Variants in DLGAP1 observed in about 807,000 individuals in gnomAD.
DLGAP1 encodes DLG associated protein 1.
Under a neutral mutation model 90.8 loss-of-function variants are expected in DLGAP1, and 11 were observed. The ratio of observed to expected loss-of-function variants is 0.12; its 90% CI spans 0.08 to 0.20. The LOEUF (loss-of-function observed/expected upper bound fraction) is 0.20, where lower values mean the gene tolerates loss of function less well. Ranked by LOEUF, DLGAP1 falls within the 10% of genes least tolerant of loss-of-function variation. The probability of loss-of-function intolerance (pLI) is 1.00; values close to 1 mark genes in which losing one functional copy is unlikely to be tolerated. For missense variants in DLGAP1, 1,050 were observed against 1,333.8 expected (o/e 0.79, Z 3.31); for synonymous variants, 558 against 540.7 (o/e 1.03, Z -0.44).
intron 1 of DLGAP1, among the ~76,000 whole-genome samples, chr18:4,444,204 CTTTTCAGTGT>C (rs1302634038): frequency 1.4e-5 from 2 of 142,152 alleles, no homozygotes; most frequent in Admixed American, 1.4e-4. Flanking sequence ...GGCATGACTG[CTTTTCAGTGT>C]TGCCTCTTCA....
At chr18:4,346,519 C>A (rs1357715776) in intron 1 of DLGAP1, among the ~76,000 whole-genome samples, 80 of 152,290 alleles carry the variant, frequency 5.3e-4, no homozygotes, top group Non-Finnish European at 1.3e-4. Flanking sequence ...AATTATCTCA[C>A]TTAATCTTCA....
At chr18:3,772,297 CTTT>C (rs1488416818) in intron 5 of DLGAP1, among the ~76,000 whole-genome samples, 1 of 137,300 alleles carries the variant, frequency 7.3e-6, no homozygotes, top group Non-Finnish European at 1.5e-5. Flanking sequence ...TTCTCCTTTT[CTTT>C]CTTTCTCTCC....
At chr18:3,990,286 T>C (rs962260204) in intron 3 of DLGAP1, among the ~76,000 whole-genome samples, 1 of 151,954 alleles carries the variant, frequency 6.6e-6, no homozygotes, top group African/African-American at 2.4e-5. Context: ...ATATACACCA[T>C]GGAATACTAT....
intron 7 of DLGAP1, among the ~76,000 whole-genome samples, chr18:3,699,147 A>G (rs113753517): frequency 4.6e-5 from 7 of 151,984 alleles, no homozygotes; most frequent in Non-Finnish European, 8.8e-5. Flanking sequence ...ACTTCCATCA[A>G]TTCGTCAAAC....
chr18:3,868,512 G>C (rs1238004341), intron 4 of DLGAP1, among the ~76,000 whole-genome samples: 1 of 152,136 alleles, frequency 6.6e-6, no homozygotes, highest in African/African-American at 2.4e-5. Flanking sequence ...GTAAACTGCA[G>C]GTCCTGGGAT....
intron 3 of DLGAP1, among the ~76,000 whole-genome samples, chr18:3,979,341 A>C (rs946172969): frequency 1.1e-4 from 16 of 152,194 alleles, no homozygotes; most frequent in African/African-American, 3.9e-4. Context: ...GCCTAGTAGC[A>C]ATGTGCTATA....
rs775560390 is a variant in DLGAP1, at chr18:3,534,623, G to C, written c.2058-8C>G. The C allele has an allele frequency of 5.8e-5, 88 of 1,526,010 alleles. No individual in the cohort carries two copies. Among genetic ancestry groups the C allele is most frequent in the Non-Finnish European group, 7.5e-5 (85 of 1,139,230 alleles). 94.5% of individuals were successfully genotyped at this position (1,526,010 alleles called of 1,614,324 possible). On this transcript the variant is annotated splice_region_variant and splice_polypyrimidine_tract_variant and intron_variant, in intron 9 of 12. Transcript: ENST00000315677. The stretch of plus-strand genomic sequence containing the variant: ...CGAGTGAACCTGCGGAAGCTTGGGA[G>C]AATAGAAAAAAGAAATTTAGTTAGA...
chr18:3,938,481 G>A (rs995670042), intron 3 of DLGAP1, among the ~76,000 whole-genome samples: 3 of 152,178 alleles, frequency 2.0e-5, no homozygotes, highest in South Asian at 2.1e-4. Context: ...ATTCTTGGCC[G>A]AGGGAAGTGC....
chr18:4,284,719 C>G (rs490830), intron 1 of DLGAP1, among the ~76,000 whole-genome samples: 148,707 of 152,288 alleles, frequency 0.98, 72,714 homozygotes, highest in East Asian at 1. Context: ...TGGAGTGCCG[C>G]CTTCACAGGT....
At chr18:4,003,369 G>C (rs1267334632) in intron 3 of DLGAP1, among the ~76,000 whole-genome samples, 1 of 151,240 alleles carries the variant, frequency 6.6e-6, no homozygotes, top group African/African-American at 2.4e-5. Context: ...AGAGAGAAAA[G>C]AAGGCAGGAG....
In DLGAP1 at chr18:4,435,988, T is replaced by A. The variant is rs557487081; in HGVS notation, c.-267+19018A>T. ...AGTAGGTAGTTAAAGGACAATAGAC[T>A]GCAGGAAAAGTGATGAGAACTATCA... On this transcript the variant is annotated intron_variant, in intron 1 of 12. Transcript: ENST00000315677. Among the ~76,000 whole-genome samples the A allele has an allele frequency of 7.2e-5, 11 of 152,182 alleles. No homozygotes were observed. The South Asian group carries it at 2.3e-3, about 32-fold the overall frequency.
At chr18:3,746,363 G>C (rs1420595535) in intron 5 of DLGAP1, among the ~76,000 whole-genome samples, 1 of 151,920 alleles carries the variant, frequency 6.6e-6, no homozygotes, top group African/African-American at 2.4e-5. Context: ...CTTATGGAAG[G>C]CAATAAAGAA....
chr18:4,443,697 T>C (rs534397043), intron 1 of DLGAP1, among the ~76,000 whole-genome samples: 15 of 152,222 alleles, frequency 9.9e-5, no homozygotes, highest in Non-Finnish European at 1.8e-4. Context: ...ATTTAAATTG[T>C]ATTAAGTGTG....
chr18:3,779,735 G>A (rs1043649915), intron 5 of DLGAP1, among the ~76,000 whole-genome samples: 1 of 150,704 alleles, frequency 6.6e-6, no homozygotes, highest in African/African-American at 2.4e-5. Context: ...CATCTTTAAT[G>A]GGCTATTATA....
intron 7 of DLGAP1, among the ~76,000 whole-genome samples, chr18:3,710,350 C>T (rs2147217664): frequency 6.6e-6 from 1 of 152,324 alleles, no homozygotes; most frequent in East Asian, 1.9e-4. Context: ...CCTACGTCAT[C>T]CCCCGCCCTT....
rs572085025 is a variant in DLGAP1 at position 4,353,368 on chromosome 18, C to T, written c.-267+101638G>A. 2.0e-5 allele frequency among the ~76,000 whole-genome samples: 3 copies of T among 152,298 alleles called. No homozygotes were observed. The South Asian group carries it at 6.2e-4, about 32-fold the overall frequency. The stretch of plus-strand genomic sequence containing the variant: ...TGTTTCAAATGACCTGAAGTAGCTA[C>T]ATCTGTTCAGTCAAGTTATTACAAG... On this transcript the variant is annotated intron_variant, in intron 1 of 12. Transcript: ENST00000315677.
chr18:4,061,240 T>C (rs535699772), intron 2 of DLGAP1, among the ~76,000 whole-genome samples: 2 of 152,316 alleles, frequency 1.3e-5, no homozygotes, highest in East Asian at 3.9e-4. Flanking sequence ...GAAATTAGAA[T>C]GTGCTTTTTG....
intron 3 of DLGAP1, among the ~76,000 whole-genome samples, chr18:3,951,332 A>C (rs1261078458): frequency 6.6e-6 from 1 of 152,244 alleles, no homozygotes; most frequent in Non-Finnish European, 1.5e-5. Flanking sequence ...ATTTAAGTTC[A>C]TATCTTCTAA....
chr18:4,254,329 G>A (rs956285388), intron 1 of DLGAP1, among the ~76,000 whole-genome samples: 1 of 152,144 alleles, frequency 6.6e-6, no homozygotes, highest in Non-Finnish European at 1.5e-5. Context: ...GATTAGAGAT[G>A]GACCAACCGG....
Sources: allele counts gnomAD v4.1 joint callset (sites outside exome capture counted in the v4.1 genomes callset), GRCh38; gene constraint gnomAD v4.1.1; transcripts MANE v1.5; gene names NCBI Gene and HGNC (gene_info 2026-07-23, HGNC 2026-07-21).